The following COP1 variants were observed in gnomAD, a reference collection of about 807,000 sequenced individuals.
COP1 encodes the protein E3 ubiquitin-protein ligase COP1.
COP1 carries 24 observed loss-of-function variants against 101.3 expected under a neutral mutation model. The observed-to-expected ratio is 0.24, with a 90% CI of 0.17 to 0.33. The LOEUF is 0.33. COP1 is among the 10% of genes least tolerant of loss of function. COP1 has a pLI of 1.00. For missense variants in COP1, 663 were observed against 906.2 expected (o/e 0.73, Z 3.45); for synonymous variants, 347 against 341.9 (o/e 1.01, Z -0.17).
chr1:176,173,333 A>AAAC (rs1455255553), intron 3 of COP1, among the ~76,000 whole-genome samples: 7 of 148,354 alleles, frequency 4.7e-5, no homozygotes, highest in South Asian at 4.4e-4. Flanking sequence ...TGAAAAAAAA[A>AAAC]AAAAAAAAAA....
chr1:176,165,886 T>A (rs1351644539), intron 3 of COP1, among the ~76,000 whole-genome samples: 1 of 152,102 alleles, frequency 6.6e-6, no homozygotes, highest in Non-Finnish European at 1.5e-5. Flanking sequence ...GGAGAGAGCA[T>A]GAAATAATTC....
At chr1:176,182,036 C>T (rs1697857153) in intron 2 of COP1, among the ~76,000 whole-genome samples, 1 of 152,046 alleles carries the variant, frequency 6.6e-6, no homozygotes, top group East Asian at 1.9e-4. Flanking sequence ...TATTGAAAAG[C>T]CCTAGCCTGT....
chr1:176,052,345 T>C (rs1672716000), intron 11 of COP1, among the ~76,000 whole-genome samples: 2 of 152,184 alleles, frequency 1.3e-5, no homozygotes. Context: ...TCAGAATGTA[T>C]TTCCATCGTT....
At chr1:176,172,570 A>G (rs1696241729) in intron 3 of COP1, among the ~76,000 whole-genome samples, 1 of 152,200 alleles carries the variant, frequency 6.6e-6, no homozygotes, top group Admixed American at 6.5e-5. Context: ...GATGCCAAGA[A>G]CATCTCAGAA....
intron 1 of COP1, among the ~76,000 whole-genome samples, chr1:176,190,544 C>A (rs1699008953): frequency 7.1e-6 from 1 of 141,156 alleles, no homozygotes; most frequent in African/African-American, 2.6e-5. Context: ...AAAAAAAAAA[C>A]AGTACAGAAC....
At chr1:176,150,700 A>G (rs1367447848) in intron 5 of COP1, among the ~76,000 whole-genome samples, 1 of 152,234 alleles carries the variant, frequency 6.6e-6, no homozygotes, top group East Asian at 1.9e-4. Flanking sequence ...ACTATCTTCA[A>G]AATTATAAAT....
At chr1:176,037,063 T>C (rs541741322) in intron 14 of COP1, among the ~76,000 whole-genome samples, 1 of 152,230 alleles carries the variant, frequency 6.6e-6, no homozygotes, top group South Asian at 2.1e-4. Flanking sequence ...CAAAGAAAAC[T>C]ACACGCCCAG....
chr1:176,045,579 AG>A (rs1388237620), intron 12 of COP1, among the ~76,000 whole-genome samples: 26 of 140,738 alleles, frequency 1.8e-4, no homozygotes, highest in Middle Eastern at 7.8e-3. Context: ...CTTGTTTAGA[AG>A]GAAAAAAAAA....
At chr1:175,991,726 C>T (rs1294366377) in intron 15 of COP1, among the ~76,000 whole-genome samples, 1 of 152,020 alleles carries the variant, frequency 6.6e-6, no homozygotes. Flanking sequence ...TAGGAAAAAG[C>T]TTTTTAAACT....
chr1:176,008,875 G>C (rs1038484100), intron 15 of COP1, among the ~76,000 whole-genome samples: 2 of 152,168 alleles, frequency 1.3e-5, no homozygotes, highest in Admixed American at 1.3e-4. Flanking sequence ...CAGCTGAGTA[G>C]GAGTTGTTCC....
chr1:176,047,243 CAAT>C (rs1295428328), intron 11 of COP1, among the ~76,000 whole-genome samples: 4 of 152,186 alleles, frequency 2.6e-5, no homozygotes, highest in Admixed American at 2.6e-4. Flanking sequence ...ATTAATTACA[CAAT>C]AATACCTAAT....
intron 11 of COP1, among the ~76,000 whole-genome samples, chr1:176,074,810 T>G (rs553260567): frequency 1.0e-3 from 158 of 151,324 alleles, no homozygotes; most frequent in Non-Finnish European, 1.8e-3. Flanking sequence ...AAAAAAAGAT[T>G]ATTACTCTTT....
At chr1:176,163,139 G>T (rs1694587785) in intron 4 of COP1, 151 bp from the exon 5 acceptor site, 2 of 613,138 alleles carry the variant, frequency 3.3e-6, no homozygotes, top group Admixed American at 7.8e-5. Flanking sequence ...CCTAGCTAGT[G>T]GCTCCCTACT....
chr1:176,119,855 C>G (rs1686816685), intron 8 of COP1, among the ~76,000 whole-genome samples: 1 of 152,094 alleles, frequency 6.6e-6, no homozygotes, highest in Non-Finnish European at 1.5e-5. Context: ...GTAGATAATA[C>G]TATTATCATT....
rs369887649 is a variant in COP1 at position 176,028,696 on chromosome 1, C to CATATATATATATATATATATATATAT, written c.1613-1034_1613-1009dup. Reference sequence around the variant, plus strand: ...CTGGAGCTAGGTGGTATATTTGTTTCATATATATATATATATATATATATA... The same window carrying CATATATATATATATATATATATATAT: ...CTGGAGCTAGGTGGTATATTTGTTTCATATATATATATATATATATATATATATATATATATATATATATATATATA... On this transcript the variant is annotated intron_variant, in intron 14 of 19. Transcript: ENST00000367669. Among the ~76,000 whole-genome samples the CATATATATATATATATATATATATAT allele has an allele frequency of 2.7e-4, 13 of 47,900 alleles. 1 individual carries two copies. The highest frequency in any genetic ancestry group is 4.4e-4 in the Non-Finnish European group (11 of 24,822). 31.4% of individuals were successfully genotyped at this position (47,900 alleles called of 152,430 possible). A position where few individuals can be genotyped will look rare whatever the true frequency, so the allele number is the denominator to read the frequency against.
intron 1 of COP1, 152 bp downstream of exon 1, chr1:176,206,420 T>C (rs1054069487): frequency 1.2e-6 from 1 of 841,104 alleles, no homozygotes; most frequent in Non-Finnish European, 1.8e-6. Flanking sequence ...CTCGAATGCC[T>C]GCAAACGCTC....
chr1:176,154,481 T>C (rs1018986002), intron 5 of COP1, among the ~76,000 whole-genome samples: 2 of 152,152 alleles, frequency 1.3e-5, no homozygotes, highest in Non-Finnish European at 1.5e-5. Flanking sequence ...TCACGTCCTC[T>C]GCAGGAACAT....
Position 176,116,684 on chromosome 1 carries a change from G to A in COP1, c.969-3C>T. The A allele has an allele frequency of 6.3e-7, 1 of 1,597,362 alleles. No homozygotes were observed. Among genetic ancestry groups the A allele is most frequent in the Non-Finnish European group, 8.6e-7 (1 of 1,169,290 alleles). The stretch of plus-strand genomic sequence containing the variant: ...ATTCTGTGGAATCAATAATACTACT[G>A]CAAAATGAAGAGAAAAAAATGTGAT... On this transcript the variant is annotated splice_polypyrimidine_tract_variant and splice_region_variant and intron_variant, in intron 8 of 19. Coordinates refer to ENST00000367669, the MANE Select transcript of COP1 (RefSeq NM_022457.7).
Position 176,163,900 on chromosome 1 carries a change from A to G in COP1, c.566-9T>C. 6.4e-7 allele frequency: 1 copy of G among 1,572,770 alleles called. No homozygotes were observed. The highest frequency in any genetic ancestry group is 8.7e-7 in the Non-Finnish European group (1 of 1,152,896). ...AAGAATGAGTTCATTCACTGAAAAC[A>G]GAAACAAAATAAAAAGCACACATAA... On this transcript the variant is annotated splice_polypyrimidine_tract_variant and intron_variant, in intron 3 of 19. Transcript: ENST00000367669.
Sources: allele counts gnomAD v4.1 joint callset (sites outside exome capture counted in the v4.1 genomes callset), GRCh38; gene constraint gnomAD v4.1.1; transcripts MANE v1.5; gene names NCBI Gene and HGNC (gene_info 2026-07-23, HGNC 2026-07-21).